The following ZDHHC11B variants were observed in gnomAD, a reference collection of about 807,000 sequenced individuals.
The protein encoded by ZDHHC11B is probable palmitoyltransferase ZDHHC11B.
A neutral mutation model predicts 42.3 loss-of-function variants in ZDHHC11B; 17 were observed. The observed-to-expected ratio is 0.40, with a 90% confidence interval of 0.27 to 0.60. The LOEUF (loss-of-function observed/expected upper bound fraction) is 0.60. Ranked by LOEUF, ZDHHC11B falls within the 20% of genes least tolerant of loss-of-function variation. The pLI is 0.41. For synonymous variants in ZDHHC11B, 123 were observed against 193.5 expected (o/e 0.64, Z 3.02); for missense variants, 262 against 463.2 (o/e 0.57, Z 3.99).
chr5:745,668 G>GA lies in ZDHHC11B; in HGVS notation c.785-371dup. On this transcript the variant is annotated intron_variant, in intron 8 of 13. Transcript: ENST00000508859. ...TGAGAGGTTGCTCCAGATGCCCTGG[G>GA]ATTGCTGGCAGGGGTAAGAGGCCAG... 1.3e-5 allele frequency among the ~76,000 whole-genome samples: 2 copies of GA among 150,130 alleles called. 1 individual carries two copies. The highest frequency in any genetic ancestry group is 4.1e-4 in the East Asian group (2 of 4,892).
intron 1 of ZDHHC11B, among the ~76,000 whole-genome samples, chr5:777,710 C>T (rs923062043): frequency 3.9e-5 from 6 of 151,944 alleles, no homozygotes; most frequent in Non-Finnish European, 8.8e-5. Context: ...AAGCCTTTAG[C>T]TAGACATAAA....
At chr5:784,200 CG>C (rs2150253743) in intron 1 of ZDHHC11B, among the ~76,000 whole-genome samples, 1 of 151,382 alleles carries the variant, frequency 6.6e-6, no homozygotes. Context: ...GATCTCAAAA[CG>C]TGCTGCGGGC....
rs1446301922 is a variant in ZDHHC11B at position 748,334 on chromosome 5, A to G, written c.784+70T>C. On this transcript the variant is annotated intron_variant, in intron 8 of 13. Transcript: ENST00000508859. ...CTCAGGGTTAGGGACATACTCAAGTAGAGGTGTAAGATGAGCAGCTCTGAC... is the reference window on the plus strand; with the variant it reads ...CTCAGGGTTAGGGACATACTCAAGTGGAGGTGTAAGATGAGCAGCTCTGAC... 17 of 966,906 alleles carry G rather than the reference A, an allele frequency of 1.8e-5. 2 individuals carry two copies. The highest frequency in any genetic ancestry group is 2.5e-5 in the Non-Finnish European group (17 of 684,906). 59.9% of individuals were successfully genotyped at this position (966,906 alleles called of 1,614,324 possible).
intron 6 of ZDHHC11B, among the ~76,000 whole-genome samples, chr5:753,054 C>T (rs1456316438): frequency 5.8e-4 from 74 of 127,574 alleles, no homozygotes; most frequent in African/African-American, 1.7e-3. Context: ...CCCCTGCTGC[C>T]TGTGTTTAAC....
At chr5:751,351 G>A (rs1286915798) in intron 6 of ZDHHC11B, 94 bp from the exon 7 acceptor site, 6 of 63,268 alleles carry the variant, frequency 9.5e-5, no homozygotes, top group African/African-American at 2.5e-4. Flanking sequence ...CAGGGGGTGT[G>A]CACAGGGTGG....
intron 11 of ZDHHC11B, among the ~76,000 whole-genome samples, chr5:731,583 G>C (rs1743021826): frequency 6.6e-6 from 1 of 151,470 alleles, no homozygotes; most frequent in Non-Finnish European, 1.5e-5. Flanking sequence ...GTATTTTTGA[G>C]TTTTCATGGT....
At chr5:714,505 G>T (rs1436145244) in intron 13 of ZDHHC11B, among the ~76,000 whole-genome samples, 13 of 123,772 alleles carry the variant, frequency 1.1e-4, no homozygotes, top group African/African-American at 2.4e-4. Context: ...TTTTTTTTTT[G>T]AATGAGGCTA....
In ZDHHC11B at chr5:733,683, G is replaced by A; in HGVS notation, c.1023+69C>T. 2.8e-6 allele frequency: 4 copies of A among 1,404,486 alleles called. 1 individual carries two copies. The highest frequency in any genetic ancestry group is 4.0e-6 in the Non-Finnish European group (4 of 1,001,390). 87.0% of individuals were successfully genotyped at this position (1,404,486 alleles called of 1,614,324 possible). ...GAATACTGCCTTAACCTCAGCTTGG[G>A]GGACCCGAGACCACATATTCTGCAC... On this transcript the variant is annotated intron_variant, in intron 11 of 13. Transcript: ENST00000508859.
intron 1 of ZDHHC11B, among the ~76,000 whole-genome samples, 195 bp downstream of exon 1, chr5:784,473 G>C (rs537068151): frequency 9.8e-5 from 15 of 152,332 alleles, no homozygotes; most frequent in Admixed American, 8.5e-4. Flanking sequence ...TCCTCGCACC[G>C]AGCCCGCAGC....
rs574178020 is a variant in ZDHHC11B, at chr5:731,481, G to A, written c.1024-1013C>T. Among the ~76,000 whole-genome samples the A allele has an allele frequency of 1.2e-3, 173 of 150,434 alleles. 1 individual carries two copies. Among genetic ancestry groups the A allele is most frequent in the African/African-American group, 4.0e-3 (162 of 40,498 alleles). On this transcript the variant is annotated intron_variant, in intron 11 of 13. Coordinates refer to ENST00000508859, the MANE Select transcript of ZDHHC11B (RefSeq NM_001351303.2). ...GTTCCCTGGTGGCAAATGATGTTGAGCACCATTTTGTGGGCTTTATTTCTC... is the reference window on the plus strand; with the variant it reads ...GTTCCCTGGTGGCAAATGATGTTGAACACCATTTTGTGGGCTTTATTTCTC...
intron 13 of ZDHHC11B, among the ~76,000 whole-genome samples, chr5:712,617 A>G (rs1201442030): frequency 6.8e-6 from 1 of 147,528 alleles, no homozygotes; most frequent in Non-Finnish European, 1.5e-5. Flanking sequence ...ATTTTAAAAA[A>G]TATTTTCTTT....
chr5:718,517 C>T (rs1338886301), intron 12 of ZDHHC11B, among the ~76,000 whole-genome samples: 1 of 151,362 alleles, frequency 6.6e-6, no homozygotes, highest in Non-Finnish European at 1.5e-5. Context: ...ACTAAAAATA[C>T]AAAAATACAA....
At chr5:758,240 A>C (rs406007) in intron 4 of ZDHHC11B, among the ~76,000 whole-genome samples, 124,161 of 151,572 alleles carry the variant, frequency 0.82, 50,863 homozygotes, top group East Asian at 0.97. Flanking sequence ...GGCCCAGGGG[A>C]AGCCCCTTCC....
At position 711,427 on chromosome 5, in the gene ZDHHC11B, ATTCCCAGTACTGTGCTCCCAT is replaced by A. The variant is rs1176140711; in HGVS notation, c.*842_*862del. ...CCCATTTCCCAGTGCTGTGCTCCCA[ATTCCCAGTACTGTGCTCCCAT>A]TTCCCAGTGCTGTATACTCCTATTT... On this transcript the variant is annotated 3_prime_UTR_variant, in exon 14 of 14. Transcript: ENST00000508859. The A allele has an allele frequency of 2.7e-5, 2 of 75,046 alleles. No individual in the cohort carries two copies. The highest frequency in any genetic ancestry group is 5.7e-5 in the Non-Finnish European group (2 of 35,032). The allele number at this position is 75,046 out of a possible 1,614,324, so 4.6% of individuals were successfully genotyped here.
At chr5:721,794 A>G (rs1742209248) in intron 12 of ZDHHC11B, among the ~76,000 whole-genome samples, 1 of 151,418 alleles carries the variant, frequency 6.6e-6, no homozygotes, top group Admixed American at 6.6e-5. Flanking sequence ...CTTTCGTGGG[A>G]GAGAGAGGGA....
At chr5:740,196 G>A (rs1744015544) in intron 10 of ZDHHC11B, among the ~76,000 whole-genome samples, 1 of 123,500 alleles carries the variant, frequency 8.1e-6, no homozygotes. Flanking sequence ...TCGGGTGGTG[G>A]GTGCACCAAA....
At chr5:762,608 GC>G (rs1308971700) in intron 4 of ZDHHC11B, among the ~76,000 whole-genome samples, 1 of 151,740 alleles carries the variant, frequency 6.6e-6, no homozygotes, top group Non-Finnish European at 1.5e-5. Flanking sequence ...TGAATGAGAG[GC>G]CAAAAGCCTT....
In ZDHHC11B at chr5:761,621, G is replaced by C. The variant is rs11745487; in HGVS notation, c.222+5077C>G. ...CTGGCAGTGTGTGCCGGGTGGACAC[G>C]TGGGTTGCCACGTTCCAGCACCTCC... On this transcript the variant is annotated intron_variant, in intron 4 of 13. Transcript: ENST00000508859. Among the ~76,000 whole-genome samples the C allele has an allele frequency of 7.3e-3, 1,108 of 151,590 alleles. 14 individuals carry two copies. Among genetic ancestry groups the C allele is most frequent in the South Asian group, 0.021 (101 of 4,790 alleles).
At chr5:753,856 C>A (rs1473025722) in intron 6 of ZDHHC11B, among the ~76,000 whole-genome samples, 3,490 of 145,140 alleles carry the variant, frequency 0.024, 41 homozygotes, top group African/African-American at 0.085. Flanking sequence ...AACGTTGGTC[C>A]CCACTCCCAC....
Sources: gnomAD v4.1 joint callset for allele counts (sites outside exome capture counted in the v4.1 genomes callset) on GRCh38, gnomAD v4.1.1 for gene constraint, MANE v1.5 for transcripts, NCBI Gene and HGNC (gene_info 2026-07-23, HGNC 2026-07-21) for gene names.